PCP4: variants seen among roughly 807,000 people sequenced by gnomAD.
The protein encoded by PCP4 is calmodulin regulator protein PCP4.
In PCP4, 8 loss-of-function variants were observed where a neutral mutation model predicts 10.0. The ratio of observed to expected loss-of-function variants is 0.80; its 90% CI spans 0.47 to 1.45. The LOEUF (loss-of-function observed/expected upper bound fraction) is 1.45. PCP4 is among the 40% of genes most tolerant of loss of function. The pLI is 0.00. For synonymous variants in PCP4, 21 were observed against 23.0 expected (o/e 0.91, Z 0.24); for missense variants, 54 against 74.4 (o/e 0.73, Z 1.01).
In PCP4 at chr21:39,878,023, G is replaced by GTAT. The variant is rs1555846666; in HGVS notation, c.9+10514_9+10515insATT. ...GTGACGAGAGAGAGAGAGAGATTAT[G>GTAT]TCTTCTATACCGTTTCATCTTCCCA... On this transcript the variant is annotated intron_variant, in intron 1 of 2. Coordinates refer to ENST00000328619, the MANE Select transcript of PCP4 (RefSeq NM_006198.3). Among the ~76,000 whole-genome samples, 446 of 151,734 alleles carry GTAT rather than the reference G, an allele frequency of 2.9e-3. 2 individuals are homozygous for GTAT. Among genetic ancestry groups the GTAT allele is most frequent in the Non-Finnish European group, 5.5e-3 (371 of 67,874 alleles).
intron 2 of PCP4, among the ~76,000 whole-genome samples, chr21:39,905,306 G>T (rs2087501670): frequency 6.6e-6 from 1 of 152,194 alleles, no homozygotes; most frequent in Middle Eastern, 3.4e-3. Flanking sequence ...GGGGTCCTTT[G>T]TGCTTTCGGC....
intron 1 of PCP4, among the ~76,000 whole-genome samples, chr21:39,887,356 GT>G (rs369313605): frequency 0.23 from 33,481 of 144,154 alleles, 4,040 homozygotes; most frequent in South Asian, 0.38. Flanking sequence ...TTGTTTTTTG[GT>G]TTTTTTTTTT....
At chr21:39,880,335 T>G (rs947445787) in intron 1 of PCP4, among the ~76,000 whole-genome samples, 1 of 152,200 alleles carries the variant, frequency 6.6e-6, no homozygotes, top group Non-Finnish European at 1.5e-5. Flanking sequence ...CATGCTTGAA[T>G]AAGAAACTAT....
At position 39,923,740 on chromosome 21, in the gene PCP4, G is replaced by A. The variant is rs552844157; in HGVS notation, c.62-5244G>A. 2.6e-5 allele frequency among the ~76,000 whole-genome samples: 4 copies of A among 152,302 alleles called. No individual in the cohort carries two copies. The East Asian group carries it at 7.7e-4, about 29-fold the overall frequency. On this transcript the variant is annotated intron_variant, in intron 2 of 2. Transcript: ENST00000328619. Reference sequence around the variant, plus strand: ...AAGTGGTAACATGACGGAAATGATTGTACTGCAATCTGGACATGACAATGG... The same window carrying A: ...AAGTGGTAACATGACGGAAATGATTATACTGCAATCTGGACATGACAATGG...
At chr21:39,907,004 C>A (rs2244287) in intron 2 of PCP4, among the ~76,000 whole-genome samples, 5 of 152,120 alleles carry the variant, frequency 3.3e-5, no homozygotes, top group African/African-American at 1.2e-4. Flanking sequence ...ATGTGCACAG[C>A]AGGCAGTTTT....
intron 2 of PCP4, among the ~76,000 whole-genome samples, chr21:39,916,537 T>C (rs1366346038): frequency 6.6e-6 from 1 of 152,208 alleles, no homozygotes; most frequent in Admixed American, 6.5e-5. Context: ...TATTCAACCA[T>C]TGTGGAAGAC....
chr21:39,887,811 G>C (rs1306534812), intron 1 of PCP4, among the ~76,000 whole-genome samples: 1 of 152,076 alleles, frequency 6.6e-6, no homozygotes, highest in East Asian at 1.9e-4. Context: ...AGGCCTTTTT[G>C]TTTCTTTATA....
chr21:39,876,910 C>T lies in PCP4; in HGVS notation c.9+9400C>T, dbSNP rs138832849. On this transcript the variant is annotated intron_variant, in intron 1 of 2. Coordinates refer to ENST00000328619, the MANE Select transcript of PCP4 (RefSeq NM_006198.3). ...GAGTTGATGTCAGCCTGCTTAAGGACGGTTGACCTTGAGAAAGGCTGTCGT... is the reference window on the plus strand; with the variant it reads ...GAGTTGATGTCAGCCTGCTTAAGGATGGTTGACCTTGAGAAAGGCTGTCGT... 2.2e-4 allele frequency among the ~76,000 whole-genome samples: 34 copies of T among 152,246 alleles called. No individual in the cohort carries two copies. In the East Asian group the frequency reaches 6.0e-3, roughly 27 times the overall value.
At chr21:39,877,099 A>G (rs1437534529) in intron 1 of PCP4, among the ~76,000 whole-genome samples, 1 of 152,202 alleles carries the variant, frequency 6.6e-6, no homozygotes, top group Non-Finnish European at 1.5e-5. Context: ...CACATTTTCC[A>G]TGCTATTACA....
At chr21:39,885,808 T>C (rs1212342899) in intron 1 of PCP4, among the ~76,000 whole-genome samples, 1 of 152,224 alleles carries the variant, frequency 6.6e-6, no homozygotes, top group Non-Finnish European at 1.5e-5. Context: ...TGTGGATGAG[T>C]CTGTTCTTTC....
At position 39,873,224 on chromosome 21, in the gene PCP4, A is replaced by C. The variant is rs138725751; in HGVS notation, c.9+5714A>C. Among the ~76,000 whole-genome samples the C allele has an allele frequency of 2.0e-3, 298 of 152,292 alleles. 1 individual carries two copies. The highest frequency in any genetic ancestry group is 6.7e-3 in the African/African-American group (280 of 41,578). On this transcript the variant is annotated intron_variant, in intron 1 of 2. Transcript: ENST00000328619. ...CCAATTTGACTGTGATTAGAAGAGA[A>C]TAAGAGAGAGTCTAAGCAGATCTGT...
rs988523314 is a variant in PCP4, at chr21:39,906,783, T to G, written c.61+8256T>G. 1.3e-5 allele frequency among the ~76,000 whole-genome samples: 2 copies of G among 152,194 alleles called. No individual in the cohort carries two copies. Among genetic ancestry groups the G allele is most frequent in the Non-Finnish European group, 2.9e-5 (2 of 68,040 alleles). On this transcript the variant is annotated intron_variant, in intron 2 of 2. Transcript: ENST00000328619. This position sits in a 1 kb window ranked among gnomAD's most constrained non-coding sequence, Gnocchi z 6.3. ...CTCAATGAATTACTCTTAAAGATCTTCAAGATCTTGGCCATGAAGCAGCTT... is the reference window on the plus strand; with the variant it reads ...CTCAATGAATTACTCTTAAAGATCTGCAAGATCTTGGCCATGAAGCAGCTT...
At chr21:39,889,773 A>T (rs188338331) in intron 1 of PCP4, among the ~76,000 whole-genome samples, 50 of 152,318 alleles carry the variant, frequency 3.3e-4, no homozygotes, top group African/African-American at 1.1e-3. Flanking sequence ...AGAGGCATAC[A>T]TTCAGAAAAA....
chr21:39,901,046 T>G (rs796316110), intron 2 of PCP4, among the ~76,000 whole-genome samples: 1 of 152,212 alleles, frequency 6.6e-6, no homozygotes, highest in Non-Finnish European at 1.5e-5. Context: ...GTGGCAATTT[T>G]ACATTTCTGC....
At chr21:39,912,041 A>T (rs984136533) in intron 2 of PCP4, among the ~76,000 whole-genome samples, 1 of 152,240 alleles carries the variant, frequency 6.6e-6, no homozygotes, top group Non-Finnish European at 1.5e-5. Flanking sequence ...TGACTTTAGC[A>T]AAAGGTCAGA....
chr21:39,921,873 G>A (rs1044556405), intron 2 of PCP4, among the ~76,000 whole-genome samples: 5 of 152,152 alleles, frequency 3.3e-5, no homozygotes, highest in African/African-American at 1.2e-4. Context: ...TACTCTTCTC[G>A]ACAAGTATCT....
rs1429640044 is a variant in PCP4 at position 39,906,906 on chromosome 21, T to A, written c.61+8379T>A. 1.3e-5 allele frequency among the ~76,000 whole-genome samples: 2 copies of A among 152,176 alleles called. No homozygotes were observed. Among genetic ancestry groups the A allele is most frequent in the Non-Finnish European group, 2.9e-5 (2 of 68,034 alleles). On this transcript the variant is annotated intron_variant, in intron 2 of 2. Coordinates refer to ENST00000328619, the MANE Select transcript of PCP4 (RefSeq NM_006198.3). This position sits in a 1 kb window ranked among gnomAD's most constrained non-coding sequence, Gnocchi z 6.3. ...GTTTCAGGTTCTGCTTGTCAATTAC[T>A]TTTATGGAAATAGTATTTCTCACGC...
intron 1 of PCP4, among the ~76,000 whole-genome samples, chr21:39,871,349 C>A (rs2087319111): frequency 6.6e-6 from 1 of 152,146 alleles, no homozygotes. Context: ...AGGGTAAACT[C>A]AAACAGATGC....
Position 39,899,741 on chromosome 21 carries a change from G to A in PCP4, c.61+1214G>A, listed in dbSNP as rs187336318. Among the ~76,000 whole-genome samples, 192 of 152,258 alleles carry A rather than the reference G, an allele frequency of 1.3e-3. 1 individual carries two copies. Among genetic ancestry groups the A allele is most frequent in the African/African-American group, 4.3e-3 (180 of 41,538 alleles). Reference sequence around the variant, plus strand: ...TCCTTTGCTGCCCAGGGCTTTTCCTGTCTCCTGTGTGTGAGTTGGGGTGGG... The same window carrying A: ...TCCTTTGCTGCCCAGGGCTTTTCCTATCTCCTGTGTGTGAGTTGGGGTGGG... On this transcript the variant is annotated intron_variant, in intron 2 of 2. Transcript: ENST00000328619.
Sources: allele counts gnomAD v4.1 joint callset (sites outside exome capture counted in the v4.1 genomes callset), GRCh38; gene constraint gnomAD v4.1.1; non-coding constraint Gnocchi (gnomAD v3.1); transcripts MANE v1.5; gene names NCBI Gene and HGNC (gene_info 2026-07-23, HGNC 2026-07-21).